OR7C2: variants seen among roughly 807,000 people sequenced by gnomAD.
The protein encoded by OR7C2 is olfactory receptor family 7 subfamily C member 2.
For missense variants in OR7C2, 374 were observed against 387.4 expected (o/e 0.97, Z 0.29); for synonymous variants, 160 against 157.7 (o/e 1.01, Z -0.11).
chr19:14,942,387 T>TGGGG lies in OR7C2; in HGVS notation c.900_903dup (p.Arg302GlyfsTer17). ...AGGAACAAGGACATGAAGGGGTCAC[T>TGGGG]GGGGAGACTCCTCCTCAGGGCAACG... On this transcript the variant is annotated frameshift_variant, in exon 1 of 1. Coordinates refer to ENST00000248072, the MANE Select transcript of OR7C2 (RefSeq NM_012377.1). LOFTEE classifies it low-confidence loss of function (END_TRUNC). 1 of 1,614,152 alleles carries TGGGG rather than the reference T, an allele frequency of 6.2e-7. No homozygotes were observed. Among genetic ancestry groups the TGGGG allele is most frequent in the Non-Finnish European group, 8.5e-7 (1 of 1,179,990 alleles).
At position 14,941,961 on chromosome 19, in the gene OR7C2, T is replaced by C; in HGVS notation, c.473T>C (p.Leu158Pro). The change falls in exon 1 of 1, where the codon CTT becomes CCT. Residue 158 changes from leucine (L) to proline (P), a missense_variant. By Grantham distance (98) the Leu-to-Pro change is moderately conservative. Coordinates refer to ENST00000248072, the MANE Select transcript of OR7C2 (RefSeq NM_012377.1). ...TGCATCAGTGTCATGGGTTCCTTGC[T>C]TGAGACCTTGACCATTTTGAGGCTG... is the stretch of plus-strand genomic sequence containing the variant. ...SWCISVMGSL[L>P]ETLTILRLSF... 1 of 1,614,146 alleles carries C rather than the reference T, an allele frequency of 6.2e-7. No homozygotes were observed. Among genetic ancestry groups the C allele is most frequent in the Non-Finnish European group, 8.5e-7 (1 of 1,180,024 alleles).
In OR7C2 at chr19:14,941,556, T is replaced by C. The variant is rs369657770; in HGVS notation, c.68T>C (p.Met23Thr). The C allele has an allele frequency of 6.8e-6, 11 of 1,612,768 alleles. No homozygotes were observed. The highest frequency in any genetic ancestry group is 8.5e-6 in the Non-Finnish European group (10 of 1,179,120). ...LLLGFAEDSDMQLLLHGLFLS... is the reference protein window; with the variant it reads ...LLLGFAEDSDTQLLLHGLFLS... ...CTGGGATTCGCAGAGGACTCTGACA[T>C]GCAGCTTCTCCTCCATGGGCTGTTC... The change falls in exon 1 of 1, where the codon ATG becomes ACG. Residue 23 changes from methionine to threonine, a missense_variant. Coordinates refer to ENST00000248072, the MANE Select transcript of OR7C2 (RefSeq NM_012377.1).
In OR7C2 at chr19:14,941,791, ATTTT is replaced by A; in HGVS notation, c.308_311del (p.Phe103SerfsTer12). On this transcript the variant is annotated frameshift_variant, in exon 1 of 1. Coordinates refer to ENST00000248072, the MANE Select transcript of OR7C2 (RefSeq NM_012377.1). LOFTEE classifies it low-confidence loss of function (END_TRUNC). The stretch of plus-strand genomic sequence containing the variant: ...CTTTTGCAGGCTGCCTCACTCAGAT[ATTTT>A]TTTTCATTGCATTTGGATGCCTGGA... 1 of 1,613,760 alleles carries A rather than the reference ATTTT, an allele frequency of 6.2e-7. No homozygotes were observed. Among genetic ancestry groups the A allele is most frequent in the Non-Finnish European group, 8.5e-7 (1 of 1,179,882 alleles).
chr19:14,942,421 A>G lies in OR7C2; in HGVS notation c.933A>G (p.Lys311=). The G allele has an allele frequency of 6.2e-7, 1 of 1,613,164 alleles. No homozygotes were observed. The highest frequency in any genetic ancestry group is 8.5e-7 in the Non-Finnish European group (1 of 1,179,556). ...GRLLLRATSL[K]EGTIAKLS ...TCCTCCTCAGGGCAACGTCTCTCAA[A>G]GAGGGGACCATTGCTAAGCTCTCAT... Residue 311 remains lysine, a synonymous_variant, in exon 1 of 1, where the codon AAA becomes AAG. Coordinates refer to ENST00000248072, the MANE Select transcript of OR7C2 (RefSeq NM_012377.1).
At position 14,942,133 on chromosome 19, in the gene OR7C2, A is replaced by G. The variant is rs772947324; in HGVS notation, c.645A>G (p.Leu215=). 12 of 1,608,388 alleles carry G rather than the reference A, an allele frequency of 7.5e-6. No individual in the cohort carries two copies. The South Asian group carries it at 1.3e-4, about 18-fold the overall frequency. Residue 215 remains leucine (L), a synonymous_variant, in exon 1 of 1, where the codon CTA becomes CTG. Transcript: ENST00000248072. ...GTGTTTTTCCTCTCTGTGGAATCCT[A>G]TTCTCTTATTCTCAGATTTTCTCCT... ...VLGVFPLCGI[L]FSYSQIFSSV... is the part of the protein sequence containing the mutation.
chr19:14,941,998 A>G lies in OR7C2; in HGVS notation c.510A>G (p.Thr170=), dbSNP rs984730472. 1 of 1,614,096 alleles carries G rather than the reference A, an allele frequency of 6.2e-7. No homozygotes were observed. Among genetic ancestry groups the G allele is most frequent in the Admixed American group, 1.7e-5 (1 of 59,994 alleles). ...TLTILRLSFC[T]NMEIPHFFCD... ...CCATTTTGAGGCTGTCCTTCTGCAC[A>G]AATATGGAAATTCCGCACTTTTTTT... The change falls in exon 1 of 1, where the codon ACA becomes ACG. Residue 170 remains threonine (T), a synonymous_variant. Transcript: ENST00000248072.
chr19:14,941,914 A>G lies in OR7C2; in HGVS notation c.426A>G (p.Gly142=), dbSNP rs1422254363. 3.7e-6 allele frequency: 6 copies of G among 1,613,852 alleles called. No individual in the cohort carries two copies. In the Admixed American group the frequency reaches 8.3e-5, roughly 22 times the overall value. The change falls in exon 1 of 1, where the codon GGA becomes GGG. Residue 142 remains glycine (G), a synonymous_variant. Transcript: ENST00000248072. ...TCATCATGAACCCCCGGCTCTGTGG[A>G]CTGCTGGTTCTGGGGTCCTGGTGCA... ...YTVIMNPRLC[G]LLVLGSWCIS...
chr19:14,941,872 C>A lies in OR7C2; in HGVS notation c.384C>A (p.Tyr128Ter), dbSNP rs764963493. The change falls in exon 1 of 1, where the codon TAC (tyrosine) becomes TAA (stop). Residue 128 changes from tyrosine to a stop codon, truncating the protein, a stop_gained. Coordinates refer to ENST00000248072, the MANE Select transcript of OR7C2 (RefSeq NM_012377.1). LOFTEE classifies it low-confidence loss of function (END_TRUNC). The part of the protein sequence containing the change: ...TAYDRFVAIC[Y>*]PLHYTVIMNP... ...ATGACCGCTTCGTGGCCATCTGTTA[C>A]CCCCTGCACTACACGGTCATCATGA... 5.6e-6 allele frequency: 9 copies of A among 1,614,094 alleles called. No individual in the cohort carries two copies. The highest frequency in any genetic ancestry group is 1.1e-5 in the South Asian group (1 of 91,072).
rs1239382083 is a variant in OR7C2 at position 14,942,053 on chromosome 19, T to C, written c.565T>C (p.Cys189Arg). 10 of 1,614,084 alleles carry C rather than the reference T, an allele frequency of 6.2e-6. No homozygotes were observed. The highest frequency in any genetic ancestry group is 8.5e-7 in the Non-Finnish European group (1 of 1,180,046). Residue 189 changes from cysteine (C) to arginine (R), a missense_variant, in exon 1 of 1, where the codon TGT becomes CGT. Coordinates refer to ENST00000248072, the MANE Select transcript of OR7C2 (RefSeq NM_012377.1). ...CDPSEVLKLACSDTFINNIVM... is the reference protein window; with the variant it reads ...CDPSEVLKLARSDTFINNIVM... ...TCCTTCCGAAGTCCTGAAGCTGGCC[T>C]GTTCTGACACCTTCATCAATAACAT...
At position 14,942,170 on chromosome 19, in the gene OR7C2, G is replaced by GCA. The variant is rs778716317; in HGVS notation, c.682_683insCA (p.Val228AlafsTer49). The GCA allele has an allele frequency of 1.0e-6, 1 of 959,912 alleles. No individual in the cohort carries two copies. Among genetic ancestry groups the GCA allele is most frequent in the Non-Finnish European group, 1.5e-6 (1 of 663,140 alleles). The allele number at this position is 959,912 out of a possible 1,614,324, so 59.5% of individuals were successfully genotyped here. ...TCAGATTTTCTCCTCCGTCCTAAGA[G>GCA]TATCTGCCAGAGGCCAGCACAAAGC... On this transcript the variant is annotated frameshift_variant, in exon 1 of 1. Transcript: ENST00000248072. LOFTEE classifies it low-confidence loss of function (END_TRUNC).
In OR7C2 at chr19:14,941,857, C is replaced by T; in HGVS notation, c.369C>T (p.Phe123=). 3 of 1,614,080 alleles carry T rather than the reference C, an allele frequency of 1.9e-6. No homozygotes were observed. The highest frequency in any genetic ancestry group is 2.5e-6 in the Non-Finnish European group (3 of 1,180,018). ...TGACCATGACGGCCTATGACCGCTTCGTGGCCATCTGTTACCCCCTGCACT... is the reference window on the plus strand; with the variant it reads ...TGACCATGACGGCCTATGACCGCTTTGTGGCCATCTGTTACCCCCTGCACT... ...LLLTMTAYDR[F]VAICYPLHYT... is the part of the protein sequence containing the mutation. Residue 123 remains phenylalanine, a synonymous_variant, in exon 1 of 1, where the codon TTC becomes TTT. Transcript: ENST00000248072.
Position 14,941,769 on chromosome 19 carries a change from T to C in OR7C2, c.281T>C (p.Phe94Ser), listed in dbSNP as rs140692918. 112 of 1,614,208 alleles carry C rather than the reference T, an allele frequency of 6.9e-5. No individual in the cohort carries two copies. In the East Asian group the frequency reaches 2.5e-3, roughly 36 times the overall value. The change falls in exon 1 of 1, where the codon TTT becomes TCT. Residue 94 changes from phenylalanine to serine, a missense_variant. Physicochemically the swap from Phe to Ser is radical, Grantham distance 155 (BLOSUM62 -2). Transcript: ENST00000248072. ...CAAACACAAAGCAAAATGATCACTT[T>C]TGCAGGCTGCCTCACTCAGATATTT... ...NIQTQSKMIT[F>S]AGCLTQIFFF...
In OR7C2 at chr19:14,942,336, T is replaced by C; in HGVS notation, c.848T>C (p.Met283Thr). 1 of 1,614,128 alleles carries C rather than the reference T, an allele frequency of 6.2e-7. No homozygotes were observed. The highest frequency in any genetic ancestry group is 8.5e-7 in the Non-Finnish European group (1 of 1,180,012). Residue 283 changes from methionine (M) to threonine (T), a missense_variant, in exon 1 of 1, where the codon ATG becomes ACG. Transcript: ENST00000248072. Reference protein sequence around the residue: ...ASVMYTMVTPMLNPFIYSLRN... With the variant: ...ASVMYTMVTPTLNPFIYSLRN... ...GTGATGTACACCATGGTCACCCCCA[T>C]GCTGAACCCCTTCATCTACAGCCTG...
In OR7C2 at chr19:14,941,993, T is replaced by C. The variant is rs753080827; in HGVS notation, c.505T>C (p.Cys169Arg). ...ETLTILRLSF[C>R]TNMEIPHFFC... ...CTTGACCATTTTGAGGCTGTCCTTC[T>C]GCACAAATATGGAAATTCCGCACTT... Residue 169 changes from cysteine (C) to arginine (R), a missense_variant, in exon 1 of 1, where the codon TGC becomes CGC. Coordinates refer to ENST00000248072, the MANE Select transcript of OR7C2 (RefSeq NM_012377.1). The C allele has an allele frequency of 1.2e-6, 2 of 1,614,090 alleles. No homozygotes were observed. Among genetic ancestry groups the C allele is most frequent in the Non-Finnish European group, 1.7e-6 (2 of 1,180,040 alleles).
rs1568279837 is a variant in OR7C2 at position 14,942,367 on chromosome 19, CA to C, written c.881del (p.Lys294ArgfsTer3). ...LNPFIYSLRN[K>X]DMKGSLGRLL... ...ACCCCTTCATCTACAGCCTGAGGAA[CA>C]AGGACATGAAGGGGTCACTGGGGAG... On this transcript the variant is annotated frameshift_variant, in exon 1 of 1. Coordinates refer to ENST00000248072, the MANE Select transcript of OR7C2 (RefSeq NM_012377.1). LOFTEE classifies it low-confidence loss of function (END_TRUNC). 6.2e-7 allele frequency: 1 copy of C among 1,614,142 alleles called. No individual in the cohort carries two copies. Among genetic ancestry groups the C allele is most frequent in the South Asian group, 1.1e-5 (1 of 91,078 alleles).
In OR7C2 at chr19:14,942,319, C is replaced by T. The variant is rs531902984; in HGVS notation, c.831C>T (p.Tyr277=). The change falls in exon 1 of 1, where the codon TAC becomes TAT. Residue 277 remains tyrosine, a synonymous_variant. Coordinates refer to ENST00000248072, the MANE Select transcript of OR7C2 (RefSeq NM_012377.1). The part of the protein sequence containing the change: ...SRTSLAASVM[Y]TMVTPMLNPF... ...CAAGTCTGGCAGCCTCGGTGATGTACACCATGGTCACCCCCATGCTGAACC... is the reference window on the plus strand; with the variant it reads ...CAAGTCTGGCAGCCTCGGTGATGTATACCATGGTCACCCCCATGCTGAACC... 3.0e-5 allele frequency: 48 copies of T among 1,614,158 alleles called. No individual in the cohort carries two copies. The highest frequency in any genetic ancestry group is 3.9e-5 in the Non-Finnish European group (46 of 1,180,032).
Position 14,941,566 on chromosome 19 carries a change from C to T in OR7C2, c.78C>T (p.Leu26=). The T allele has an allele frequency of 6.2e-7, 1 of 1,613,508 alleles. No homozygotes were observed. The highest frequency in any genetic ancestry group is 8.5e-7 in the Non-Finnish European group (1 of 1,179,572). Residue 26 remains leucine, a synonymous_variant, in exon 1 of 1, where the codon CTC becomes CTT. Transcript: ENST00000248072. The part of the protein sequence containing the change: ...GFAEDSDMQL[L]LHGLFLSMYL... ...CAGAGGACTCTGACATGCAGCTTCTCCTCCATGGGCTGTTCCTCTCCATGT... is the reference window on the plus strand; with the variant it reads ...CAGAGGACTCTGACATGCAGCTTCTTCTCCATGGGCTGTTCCTCTCCATGT...
Position 14,942,258 on chromosome 19 carries a change from T to C in OR7C2, c.770T>C (p.Val257Ala). The C allele has an allele frequency of 6.2e-7, 1 of 1,613,990 alleles. No homozygotes were observed. The highest frequency in any genetic ancestry group is 8.5e-7 in the Non-Finnish European group (1 of 1,180,000). ...TTGTTCTATGGCACTGGCCTTGGGG[T>C]CTATCTCAGTTCTGCAGTTACACCA... Reference protein sequence around the residue: ...VSLFYGTGLGVYLSSAVTPPS... With the variant: ...VSLFYGTGLGAYLSSAVTPPS... The change falls in exon 1 of 1, where the codon GTC becomes GCC. Residue 257 changes from valine to alanine, a missense_variant. Transcript: ENST00000248072.
chr19:14,942,161 G>A lies in OR7C2; in HGVS notation c.673G>A (p.Val225Ile), dbSNP rs113508813. 447 of 1,473,712 alleles carry A rather than the reference G, an allele frequency of 3.0e-4. 1 individual carries two copies. The African/African-American group carries it at 9.8e-3, about 32-fold the overall frequency. The allele number at this position is 1,473,712 out of a possible 1,614,324, so 91.3% of individuals were successfully genotyped here. ...CTCTTATTCTCAGATTTTCTCCTCC[G>A]TCCTAAGAGTATCTGCCAGAGGCCA... is the stretch of plus-strand genomic sequence containing the variant. ...LFSYSQIFSSVLRVSARGQHK... is the reference protein window; with the variant it reads ...LFSYSQIFSSILRVSARGQHK... Residue 225 changes from valine (V) to isoleucine (I), a missense_variant, in exon 1 of 1, where the codon GTC (valine) becomes ATC (isoleucine). Coordinates refer to ENST00000248072, the MANE Select transcript of OR7C2 (RefSeq NM_012377.1).
Sources: allele counts gnomAD v4.1 joint callset, GRCh38; gene constraint gnomAD v4.1.1; transcripts MANE v1.5; gene names NCBI Gene and HGNC (gene_info 2026-07-23, HGNC 2026-07-21).